The following HSPBAP1 variants were observed in gnomAD, a reference collection of about 807,000 sequenced individuals.
HSPBAP1 encodes the protein HSPB1 associated protein 1.
In HSPBAP1, 27 loss-of-function variants were observed where a neutral mutation model predicts 45.2. The observed-to-expected ratio is 0.60, with a 90% confidence interval of 0.44 to 0.82. The LOEUF (loss-of-function observed/expected upper bound fraction) is 0.82. Ranked by LOEUF, HSPBAP1 falls within the 40% of genes least tolerant of loss-of-function variation. The pLI, the probability that HSPBAP1 is intolerant of heterozygous loss-of-function variation, is 0.00. For synonymous variants in HSPBAP1, 204 were observed against 202.7 expected, an observed-to-expected ratio of 1.01 and a Z score of -0.06; for missense variants, 510 against 590.9, an observed-to-expected ratio of 0.86 and a Z score of 1.42.
chr3:122,771,326 AT>A (rs112641409), intron 2 of HSPBAP1, among the ~76,000 whole-genome samples: 8,249 of 152,248 alleles, frequency 0.054, 289 homozygotes, highest in Middle Eastern at 0.11. Flanking sequence ...ATGCAATGAA[AT>A]TATTCCTTTC....
At chr3:122,791,670 G>C (rs1172988389) in intron 1 of HSPBAP1, among the ~76,000 whole-genome samples, 1 of 152,202 alleles carries the variant, frequency 6.6e-6, no homozygotes, top group South Asian at 2.1e-4. Context: ...TAAATAGTTT[G>C]ATCTGGTAAG....
intron 2 of HSPBAP1, among the ~76,000 whole-genome samples, chr3:122,770,721 A>G (rs1057217627): frequency 6.6e-6 from 1 of 152,158 alleles, no homozygotes; most frequent in African/African-American, 2.4e-5. Context: ...AAAACAAAAA[A>G]CAACCAAAAA....
At chr3:122,753,831 G>A in intron 5 of HSPBAP1, 1 of 984,696 alleles carries the variant, frequency 1.0e-6, no homozygotes, top group East Asian at 1.1e-4. Flanking sequence ...GGGTTTGAGT[G>A]GATTAAAGAA....
intron 4 of HSPBAP1, 89 bp from the exon 5 acceptor site, chr3:122,755,520 T>C (rs1934321363): frequency 9.8e-7 from 1 of 1,025,398 alleles, no homozygotes; most frequent in East Asian, 2.9e-5. Flanking sequence ...TGTTCATTTT[T>C]ACTTGTTTAA....
chr3:122,765,042 T>A (rs1358833121), intron 3 of HSPBAP1, among the ~76,000 whole-genome samples: 2 of 152,206 alleles, frequency 1.3e-5, no homozygotes, highest in Non-Finnish European at 2.9e-5. Context: ...GCAGGTGATT[T>A]GGTAATGAAT....
chr3:122,744,877 G>T (rs1933790546), intron 6 of HSPBAP1, among the ~76,000 whole-genome samples: 1 of 151,964 alleles, frequency 6.6e-6, no homozygotes, highest in Non-Finnish European at 1.5e-5. Flanking sequence ...AGAAATTAAG[G>T]ATGAATCAAT....
At chr3:122,786,482 G>A (rs1935660686) in intron 1 of HSPBAP1, 1 of 152,082 alleles carries the variant, frequency 6.6e-6, no homozygotes, top group Non-Finnish European at 1.5e-5. Context: ...GATATAACTG[G>A]GTAGCCTTCT....
chr3:122,791,320 G>T (rs757189162), intron 1 of HSPBAP1, among the ~76,000 whole-genome samples: 1 of 152,138 alleles, frequency 6.6e-6, no homozygotes, highest in Non-Finnish European at 1.5e-5. Context: ...TAACCTTCAG[G>T]ATACCTCTTT....
At chr3:122,781,208 G>A (rs1379016893) in intron 1 of HSPBAP1, among the ~76,000 whole-genome samples, 2 of 151,914 alleles carry the variant, frequency 1.3e-5, no homozygotes, top group Non-Finnish European at 2.9e-5. Context: ...GCAGGCGGCT[G>A]GGAGGTGGAG....
chr3:122,792,902 A>G (rs1560178872), intron 1 of HSPBAP1, among the ~76,000 whole-genome samples: 5 of 151,990 alleles, frequency 3.3e-5, no homozygotes, highest in Admixed American at 6.6e-5. Context: ...AGAGAAAAGA[A>G]AAAGAAAGGC....
At chr3:122,758,268 T>A (rs1245733053) in intron 4 of HSPBAP1, among the ~76,000 whole-genome samples, 1 of 152,210 alleles carries the variant, frequency 6.6e-6, no homozygotes, top group Non-Finnish European at 1.5e-5. Context: ...GAGTACATCC[T>A]CCAAGTGGCA....
chr3:122,747,169 A>T (rs1341453796), intron 6 of HSPBAP1, among the ~76,000 whole-genome samples: 1 of 150,164 alleles, frequency 6.7e-6, no homozygotes, highest in East Asian at 2.0e-4. Flanking sequence ...GAAAGTGAGG[A>T]GCATCTCTGC....
chr3:122,759,887 A>G (rs1266783389), intron 3 of HSPBAP1, among the ~76,000 whole-genome samples: 1 of 152,232 alleles, frequency 6.6e-6, no homozygotes, highest in East Asian at 1.9e-4. Flanking sequence ...GTGTACTTCA[A>G]TGACCACATA....
At chr3:122,777,612 C>CA (rs1445249314) in intron 2 of HSPBAP1, 109 bp downstream of exon 2, 3 of 727,882 alleles carry the variant, frequency 4.1e-6, no homozygotes, top group East Asian at 2.7e-5. Context: ...AGTGAATGGT[C>CA]AAAAAAAGGA....
intron 1 of HSPBAP1, among the ~76,000 whole-genome samples, chr3:122,779,034 C>A (rs1407883618): frequency 6.8e-6 from 1 of 147,750 alleles, no homozygotes; most frequent in Non-Finnish European, 1.5e-5. Flanking sequence ...CATTTTCTTT[C>A]TTTTTCTTTT....
chr3:122,781,171 G>A (rs1489149829), intron 1 of HSPBAP1, among the ~76,000 whole-genome samples: 2 of 151,718 alleles, frequency 1.3e-5, no homozygotes, highest in Admixed American at 1.3e-4. Context: ...GGCAGAGGCT[G>A]CAATCTCGGC....
chr3:122,761,138 T>A (rs1934568112), intron 3 of HSPBAP1, among the ~76,000 whole-genome samples: 2 of 152,142 alleles, frequency 1.3e-5, no homozygotes, highest in East Asian at 3.9e-4. Flanking sequence ...GTCTGAGGAA[T>A]TTAACTAAAG....
intron 1 of HSPBAP1, among the ~76,000 whole-genome samples, chr3:122,780,773 G>A (rs1935425694): frequency 6.6e-6 from 1 of 151,628 alleles, no homozygotes; most frequent in South Asian, 2.1e-4. Flanking sequence ...CGGCTGCCGG[G>A]CGGAGGGGCT....
In HSPBAP1 at chr3:122,793,801, G is replaced by T. The variant is rs1257643385; in HGVS notation, c.-121C>A. 4.6e-5 allele frequency: 38 copies of T among 817,568 alleles called. No individual in the cohort carries two copies. The highest frequency in any genetic ancestry group is 7.2e-5 in the Non-Finnish European group (37 of 515,654). 50.6% of individuals were successfully genotyped at this position (817,568 alleles called of 1,614,324 possible). ...ACAGGAAGGAGCCCCGGCGACTCCC[G>T]CCCGGCTCCTACGGAAACGCCGGCT... On this transcript the variant is annotated 5_prime_UTR_variant, in exon 1 of 8. Transcript: ENST00000306103.
Sources: gnomAD v4.1 joint callset for allele counts (sites outside exome capture counted in the v4.1 genomes callset) on GRCh38, gnomAD v4.1.1 for gene constraint, MANE v1.5 for transcripts, NCBI Gene and HGNC (gene_info 2026-07-23, HGNC 2026-07-21) for gene names.